Variants in CIRSR observed in about 807,000 individuals in gnomAD.
The protein encoded by CIRSR is corepressor of RBPJ and splicing regulator, also known as CBF1 (RBPJ) interacting corepressor 1.
At chr2:174,351,798 G>T in the CIRSR span, 1 of 1,080,902 alleles carries the variant, frequency 9.3e-7, no homozygotes, top group Non-Finnish European at 1.3e-6. Flanking sequence ...CAGTAGGAAT[G>T]CAGTTGAAGC....
At chr2:174,383,002 CA>C in the CIRSR span, among the ~76,000 whole-genome samples, 1 of 152,026 alleles carries the variant, frequency 6.6e-6, no homozygotes, top group Non-Finnish European at 1.5e-5. Context: ...AAAAAAGAAG[CA>C]AAAGGCCACA....
At chr2:174,348,661 T>C in the CIRSR span, 2 of 1,614,234 alleles carry the variant, frequency 1.2e-6, no homozygotes, top group Non-Finnish European at 1.7e-6. Context: ...TGCTTGTAAC[T>C]ACCAGGACTT....
At chr2:174,351,645 T>C in the CIRSR span, 1 of 1,613,678 alleles carries the variant, frequency 6.2e-7, no homozygotes, top group South Asian at 1.1e-5. Context: ...GCGGTCAAGT[T>C]TCTCCCCAGT....
At chr2:174,372,235 T>G in the CIRSR span, among the ~76,000 whole-genome samples, 2 of 152,340 alleles carry the variant, frequency 1.3e-5, no homozygotes, top group South Asian at 4.1e-4. Context: ...ACAATGTTAA[T>G]TTAAAAAACT....
the CIRSR span, among the ~76,000 whole-genome samples, chr2:174,392,146 C>T: frequency 5.3e-5 from 8 of 152,194 alleles, no homozygotes; most frequent in South Asian, 2.1e-4. Flanking sequence ...TACAAGCGCC[C>T]GCCACCACAC....
chr2:174,389,315 G>C, the CIRSR span, among the ~76,000 whole-genome samples: 2 of 152,160 alleles, frequency 1.3e-5, no homozygotes, highest in African/African-American at 2.4e-5. Context: ...TAGTAATATG[G>C]ACAATGAAGT....
the CIRSR span, among the ~76,000 whole-genome samples, chr2:174,369,443 T>C: frequency 3.9e-5 from 6 of 152,240 alleles, 1 homozygote; most frequent in African/African-American, 1.4e-4. Flanking sequence ...TTTTTTCTCA[T>C]TTGTGTGTTC....
the CIRSR span, chr2:174,348,624 C>A: frequency 6.2e-7 from 1 of 1,614,172 alleles, no homozygotes; most frequent in East Asian, 2.2e-5. Flanking sequence ...ACCAGGATTT[C>A]GCTGTGCCCG....
At chr2:174,366,685 C>T in the CIRSR span, among the ~76,000 whole-genome samples, 10 of 152,062 alleles carry the variant, frequency 6.6e-5, no homozygotes, top group Non-Finnish European at 1.2e-4. Context: ...ATCTAAAAGA[C>T]AGGTTTGTTC....
chr2:174,381,514 G>A, the CIRSR span, among the ~76,000 whole-genome samples: 10 of 152,160 alleles, frequency 6.6e-5, no homozygotes, highest in South Asian at 4.1e-4. Context: ...TTAGCCAGGC[G>A]TGGTGGCGTG....
the CIRSR span, among the ~76,000 whole-genome samples, chr2:174,370,709 T>G: frequency 6.6e-6 from 1 of 151,970 alleles, no homozygotes; most frequent in South Asian, 2.1e-4. Flanking sequence ...GGTCAGGAGA[T>G]TGAGACCATC....
chr2:174,350,554 G>A, the CIRSR span: 15 of 572,524 alleles, frequency 2.6e-5, no homozygotes, highest in Non-Finnish European at 3.2e-5. Flanking sequence ...TAAATGTGAT[G>A]CATGGTATAA....
the CIRSR span, among the ~76,000 whole-genome samples, chr2:174,371,581 A>G: frequency 6.6e-6 from 1 of 152,252 alleles, no homozygotes; most frequent in Non-Finnish European, 1.5e-5. Flanking sequence ...TCTTATCAGT[A>G]GAAAAGATAT....
the CIRSR span, among the ~76,000 whole-genome samples, chr2:174,379,370 C>T: frequency 6.6e-5 from 10 of 152,130 alleles, no homozygotes; most frequent in African/African-American, 2.4e-4. Flanking sequence ...ATAAGTAAAC[C>T]TTTAAAGTTT....
At chr2:174,383,490 C>T in the CIRSR span, among the ~76,000 whole-genome samples, 29 of 152,002 alleles carry the variant, frequency 1.9e-4, no homozygotes, top group African/African-American at 5.5e-4. Context: ...GAGGCTGAGG[C>T]GGGTGGATCA....
chr2:174,362,916 C>A, the CIRSR span, among the ~76,000 whole-genome samples: 1 of 151,966 alleles, frequency 6.6e-6, no homozygotes, highest in Non-Finnish European at 1.5e-5. Context: ...CTCCTAGAGG[C>A]CCAACCATAG....
the CIRSR span, among the ~76,000 whole-genome samples, chr2:174,354,451 TA>T: frequency 4.3e-5 from 4 of 92,520 alleles, no homozygotes; most frequent in East Asian, 5.2e-4. Flanking sequence ...ATATATTATA[TA>T]ATATAATATA....
At chr2:174,383,719 C>CAAA in the CIRSR span, among the ~76,000 whole-genome samples, 12 of 83,138 alleles carry the variant, frequency 1.4e-4, no homozygotes, top group Non-Finnish European at 2.0e-4. Context: ...GACTCCGTCT[C>CAAA]AAAAAAAAAA....
chr2:174,359,109 C>T, the CIRSR span, among the ~76,000 whole-genome samples: 2 of 151,574 alleles, frequency 1.3e-5, no homozygotes, highest in Non-Finnish European at 2.9e-5. Flanking sequence ...CAAAAGAGTA[C>T]CTACTGTATG....
Sources: allele counts gnomAD v4.1 joint callset (sites outside exome capture counted in the v4.1 genomes callset), GRCh38; gene constraint gnomAD v4.1.1; transcripts MANE v1.5; gene names NCBI Gene and HGNC (gene_info 2026-07-23, HGNC 2026-07-21).